Variants in SRGN observed in about 807,000 individuals in gnomAD.
SRGN encodes the protein serglycin.
Under a neutral mutation model 9.5 loss-of-function variants are expected in SRGN, and 2 were observed. The observed-to-expected ratio is 0.21, with a 90% CI of 0.09 to 0.66. The LOEUF is 0.66. Among genes scored for constraint, SRGN ranks in the 30% least tolerant of loss-of-function variants. The pLI is 0.83. For missense variants in SRGN, 170 were observed against 192.4 expected, an observed-to-expected ratio of 0.88 and a Z score of 0.69; for synonymous variants, 59 against 72.3, an observed-to-expected ratio of 0.82 and a Z score of 0.93.
rs1432817231 is a variant in SRGN at position 69,103,899 on chromosome 10, A to G, written c.256A>G (p.Ile86Val). ...GACGAGAATCCAGGACTTGAATCGTATCTTCCCACTTTCTGAGGACTACTC... is the reference window on the plus strand; with the variant it reads ...GACGAGAATCCAGGACTTGAATCGTGTCTTCCCACTTTCTGAGGACTACTC... ...PKTRIQDLNR[I>V]FPLSEDYSGS... The change falls in exon 3 of 3, where the codon ATC becomes GTC. Residue 86 changes from isoleucine to valine, a missense_variant. By Grantham distance (29) the Ile-to-Val change is conservative. Transcript: ENST00000242465. 1.9e-6 allele frequency: 3 copies of G among 1,614,120 alleles called. No homozygotes were observed. Among genetic ancestry groups the G allele is most frequent in the Non-Finnish European group, 2.5e-6 (3 of 1,180,002 alleles).
At chr10:69,096,490 G>A (rs906906379) in intron 1 of SRGN, among the ~76,000 whole-genome samples, 1 of 152,156 alleles carries the variant, frequency 6.6e-6, no homozygotes, top group Non-Finnish European at 1.5e-5. Flanking sequence ...CTAGTCAGCA[G>A]ACCTGGGACT....
At chr10:69,088,640 G>T (rs544073191) in intron 1 of SRGN, among the ~76,000 whole-genome samples, 1 of 152,048 alleles carries the variant, frequency 6.6e-6, no homozygotes, top group South Asian at 2.1e-4. Context: ...GCGCTGTGAC[G>T]GTGTCATTGT....
chr10:69,100,764 A>G (rs1205566168), intron 2 of SRGN, among the ~76,000 whole-genome samples: 1 of 151,984 alleles, frequency 6.6e-6, no homozygotes, highest in Non-Finnish European at 1.5e-5. Context: ...ACTTTGGCCA[A>G]TGGGAGGCAA....
intron 1 of SRGN, among the ~76,000 whole-genome samples, chr10:69,092,169 C>T (rs534581041): frequency 9.2e-5 from 14 of 152,082 alleles, no homozygotes; most frequent in Admixed American, 9.2e-4. Context: ...ATAAGTGGAC[C>T]TTTTAGGAAG....
At chr10:69,096,927 A>C (rs1840186532) in intron 1 of SRGN, among the ~76,000 whole-genome samples, 157 bp from the exon 2 acceptor site, 1 of 152,114 alleles carries the variant, frequency 6.6e-6, no homozygotes, top group Admixed American at 6.6e-5. Flanking sequence ...CCAGGAGTTC[A>C]AGGTTGCAGT....
chr10:69,091,902 A>AAAG (rs1840066859), intron 1 of SRGN, among the ~76,000 whole-genome samples: 2 of 90,312 alleles, frequency 2.2e-5, no homozygotes, highest in Admixed American at 2.3e-4. Flanking sequence ...AAAAAAAAAA[A>AAAG]AAAAAAGAAA....
At chr10:69,103,773 G>T in intron 2 of SRGN, 98 bp from the exon 3 acceptor site, 3 of 1,270,704 alleles carry the variant, frequency 2.4e-6, no homozygotes, top group African/African-American at 1.5e-5. Flanking sequence ...CAACTAGATG[G>T]CTGTATTTAT....
intron 1 of SRGN, 94 bp from the exon 2 acceptor site, chr10:69,096,990 T>C: frequency 1.5e-6 from 2 of 1,355,602 alleles, no homozygotes; most frequent in Non-Finnish European, 9.9e-7. Flanking sequence ...TGAGACCCTG[T>C]CTCGAAAAAA....
At chr10:69,088,332 T>C in intron 1 of SRGN, 96 bp downstream of exon 1, 2 of 1,088,998 alleles carry the variant, frequency 1.8e-6, no homozygotes, top group Non-Finnish European at 2.8e-6. Flanking sequence ...GAATGTATAA[T>C]ATTGTGAGAA....
chr10:69,104,294 A>AAGAATTC lies in SRGN; in HGVS notation c.*175_*176insGAATTCA. On this transcript the variant is annotated 3_prime_UTR_variant, in exon 3 of 3. Transcript: ENST00000242465. ...ATGAATTCTTAAAGGATTATGCTTT[A>AAGAATTC]ATGCTGTTATCTATTTTATTGTTCT... 2 of 853,494 alleles carry AAGAATTC rather than the reference A, an allele frequency of 2.3e-6. No individual in the cohort carries two copies. Among genetic ancestry groups the AAGAATTC allele is most frequent in the Non-Finnish European group, 3.4e-6 (2 of 587,260 alleles). 52.9% of individuals were successfully genotyped at this position (853,494 alleles called of 1,614,324 possible). A position where few individuals can be genotyped will look rare whatever the true frequency, so the allele number is the denominator to read the frequency against.
intron 1 of SRGN, among the ~76,000 whole-genome samples, chr10:69,091,649 A>C (rs1840056084): frequency 6.6e-6 from 1 of 151,060 alleles, no homozygotes; most frequent in African/African-American, 2.4e-5. Flanking sequence ...GAGACCGAGG[A>C]GTGTGGATCA....
rs573533530 is a variant in SRGN at position 69,098,067 on chromosome 10, A to AT, written c.227+844dup. Among the ~76,000 whole-genome samples, 691 of 152,144 alleles carry AT rather than the reference A, an allele frequency of 4.5e-3. 6 individuals carry two copies. Among genetic ancestry groups the AT allele is most frequent in the African/African-American group, 0.016 (668 of 41,504 alleles). On this transcript the variant is annotated intron_variant, in intron 2 of 2. Transcript: ENST00000242465. Reference sequence around the variant, plus strand: ...TACATGATTCACCTATGTTTTTGAAATTTTTTTTGTGGATGGTAGAGAGGA... The same window carrying AT: ...TACATGATTCACCTATGTTTTTGAAATTTTTTTTTGTGGATGGTAGAGAGGA...
intron 1 of SRGN, among the ~76,000 whole-genome samples, chr10:69,094,067 A>T (rs1840124798): frequency 6.6e-6 from 1 of 152,208 alleles, no homozygotes; most frequent in African/African-American, 2.4e-5. Context: ...CTACTCTGAG[A>T]ACCTAACATT....
intron 1 of SRGN, among the ~76,000 whole-genome samples, chr10:69,089,473 A>G (rs1233117931): frequency 6.6e-6 from 1 of 152,250 alleles, no homozygotes; most frequent in African/African-American, 2.4e-5. Context: ...GGTGCTGGGC[A>G]TACCCCAACC....
chr10:69,101,075 C>T (rs1020145711), intron 2 of SRGN, among the ~76,000 whole-genome samples: 5 of 151,476 alleles, frequency 3.3e-5, no homozygotes, highest in Non-Finnish European at 5.9e-5. Context: ...CTCTGCCTCC[C>T]GGGTTCAAGT....
At chr10:69,091,137 G>A (rs956577120) in intron 1 of SRGN, among the ~76,000 whole-genome samples, 3 of 152,104 alleles carry the variant, frequency 2.0e-5, no homozygotes, top group African/African-American at 7.2e-5. Flanking sequence ...GAGAAAACTG[G>A]ATCTGACATT....
chr10:69,099,304 C>CTTTTTTTTTTTTT (rs200610137), intron 2 of SRGN, among the ~76,000 whole-genome samples: 1 of 128,152 alleles, frequency 7.8e-6, no homozygotes, highest in African/African-American at 2.7e-5. Flanking sequence ...GCAACTTTCT[C>CTTTTTTTTTTTTT]TTTTGTTTTT....
Position 69,097,159 on chromosome 10 carries a change from A to T in SRGN, c.155A>T (p.Glu52Val), listed in dbSNP as rs1840191503. 1 of 1,614,084 alleles carries T rather than the reference A, an allele frequency of 6.2e-7. No homozygotes were observed. The highest frequency in any genetic ancestry group is 8.5e-7 in the Non-Finnish European group (1 of 1,179,908). The change falls in exon 2 of 3, where the codon GAA (glutamate) becomes GTA (valine). Residue 52 changes from glutamate to valine, a missense_variant. Transcript: ENST00000242465. The stretch of plus-strand genomic sequence containing the variant: ...AGTAATTCTGCAAACTGCCTTGAAG[A>T]AAAAGGACCAATGTTCGAACTACTT... ...PDSNSANCLE[E>V]KGPMFELLPG...
intron 1 of SRGN, among the ~76,000 whole-genome samples, chr10:69,094,766 C>A (rs902109045): frequency 2.0e-5 from 3 of 151,604 alleles, no homozygotes; most frequent in Non-Finnish European, 4.4e-5. Flanking sequence ...TTTTTAAAAT[C>A]TTTTTTCTCT....
Sources: gnomAD v4.1 joint callset for allele counts (sites outside exome capture counted in the v4.1 genomes callset) on GRCh38, gnomAD v4.1.1 for gene constraint, MANE v1.5 for transcripts, NCBI Gene and HGNC (gene_info 2026-07-23, HGNC 2026-07-21) for gene names.